The following TSPAN5 variants were observed in gnomAD, a reference collection of about 807,000 sequenced individuals.
TSPAN5 encodes the protein tetraspanin-5.
TSPAN5 carries 10 observed loss-of-function variants against 37.1 expected under a neutral mutation model. That is an observed-to-expected ratio of 0.27 (90% confidence interval 0.17 to 0.46). The LOEUF (loss-of-function observed/expected upper bound fraction) is 0.46, where lower values mean the gene tolerates loss of function less well. TSPAN5 is among the 20% of genes least tolerant of loss of function. TSPAN5 has a pLI of 1.00. For missense variants in TSPAN5, 195 were observed against 326.6 expected (o/e 0.60, Z 3.11); for synonymous variants, 110 against 118.9 (o/e 0.93, Z 0.48).
chr4:98,487,706 C>T (rs751045743), intron 2 of TSPAN5, among the ~76,000 whole-genome samples: 14 of 152,214 alleles, frequency 9.2e-5, no homozygotes, highest in Admixed American at 7.2e-4. Flanking sequence ...TTTCTTACCC[C>T]CTTCGAGTTG....
intron 2 of TSPAN5, among the ~76,000 whole-genome samples, chr4:98,502,579 C>A (rs1753378279): frequency 6.6e-6 from 1 of 152,176 alleles, no homozygotes; most frequent in Non-Finnish European, 1.5e-5. Flanking sequence ...TGATGTGCTT[C>A]AGGACCCAGC....
chr4:98,532,129 T>C (rs1754107567), intron 1 of TSPAN5, among the ~76,000 whole-genome samples: 1 of 152,220 alleles, frequency 6.6e-6, no homozygotes, highest in Non-Finnish European at 1.5e-5. Flanking sequence ...AGGAAGTCTT[T>C]GCCCATGCCT....
chr4:98,603,643 A>G (rs1159499605), intron 1 of TSPAN5, among the ~76,000 whole-genome samples: 1 of 152,224 alleles, frequency 6.6e-6, no homozygotes, highest in Non-Finnish European at 1.5e-5. Flanking sequence ...GTTGTGGCCT[A>G]TGCAACCATC....
intron 2 of TSPAN5, among the ~76,000 whole-genome samples, chr4:98,498,498 C>T (rs1753266780): frequency 6.6e-6 from 1 of 152,136 alleles, no homozygotes; most frequent in African/African-American, 2.4e-5. Flanking sequence ...CAAGACCTCC[C>T]AACCACACCC....
At chr4:98,480,579 T>C (rs1403131370) in intron 4 of TSPAN5, among the ~76,000 whole-genome samples, 1 of 152,172 alleles carries the variant, frequency 6.6e-6, no homozygotes, top group African/African-American at 2.4e-5. Flanking sequence ...AACAGCTACT[T>C]CTAAACATTA....
At chr4:98,527,483 A>G (rs1378550321) in intron 1 of TSPAN5, among the ~76,000 whole-genome samples, 1 of 152,236 alleles carries the variant, frequency 6.6e-6, no homozygotes, top group Non-Finnish European at 1.5e-5. Flanking sequence ...CTTATTTCTC[A>G]ATAGCTATAT....
intron 1 of TSPAN5, among the ~76,000 whole-genome samples, chr4:98,548,817 C>T (rs1188412578): frequency 6.6e-6 from 1 of 152,012 alleles, no homozygotes; most frequent in African/African-American, 2.4e-5. Context: ...TGATAAAGGC[C>T]TCCAGTTCCA....
intron 1 of TSPAN5, among the ~76,000 whole-genome samples, chr4:98,548,885 A>AGGGG (rs70955937): frequency 1.2e-5 from 1 of 83,508 alleles, no homozygotes; most frequent in African/African-American, 4.0e-5. Flanking sequence ...TAGTATTCCA[A>AGGGG]GGTGTGTGTG....
chr4:98,494,742 C>T (rs1375589453), intron 2 of TSPAN5, among the ~76,000 whole-genome samples: 1 of 152,080 alleles, frequency 6.6e-6, no homozygotes, highest in African/African-American at 2.4e-5. Context: ...CCCAACTGCA[C>T]TGGAGAAGAA....
intron 1 of TSPAN5, among the ~76,000 whole-genome samples, chr4:98,550,314 C>A (rs758089620): frequency 1.1e-4 from 16 of 152,214 alleles, no homozygotes; most frequent in African/African-American, 3.6e-4. Context: ...AGTCAGGTAA[C>A]GTGACGCCTC....
chr4:98,548,903 G>A (rs1754535560), intron 1 of TSPAN5, among the ~76,000 whole-genome samples: 1 of 152,010 alleles, frequency 6.6e-6, no homozygotes, highest in African/African-American at 2.4e-5. Context: ...GTGTGTGTGT[G>A]TGTGTGTGTG....
chr4:98,639,175 G>A (rs964791557), intron 1 of TSPAN5, among the ~76,000 whole-genome samples: 13 of 152,020 alleles, frequency 8.6e-5, no homozygotes, highest in Admixed American at 3.9e-4. Context: ...CTATCCTTAC[G>A]GGGTTCTTGG....
At chr4:98,488,147 T>C (rs1421300750) in intron 2 of TSPAN5, among the ~76,000 whole-genome samples, 1 of 152,204 alleles carries the variant, frequency 6.6e-6, no homozygotes. Flanking sequence ...AGTTTGGTGA[T>C]GGGCTGAAGG....
chr4:98,639,879 A>G (rs1343181843), intron 1 of TSPAN5, among the ~76,000 whole-genome samples: 1 of 152,230 alleles, frequency 6.6e-6, no homozygotes, highest in African/African-American at 2.4e-5. Flanking sequence ...TTAAGGGAAG[A>G]AAAACCATTT....
chr4:98,494,459 T>C (rs1413451332), intron 2 of TSPAN5, among the ~76,000 whole-genome samples: 1 of 143,402 alleles, frequency 7.0e-6, no homozygotes, highest in African/African-American at 2.6e-5. Flanking sequence ...AGATCGCACT[T>C]ACTACCTGTG....
chr4:98,487,402 CT>C (rs1241656368), intron 2 of TSPAN5, among the ~76,000 whole-genome samples: 2 of 152,140 alleles, frequency 1.3e-5, no homozygotes, highest in African/African-American at 2.4e-5. Context: ...CACACACCCC[CT>C]GACCCCCAGA....
chr4:98,542,280 G>A (rs930126965), intron 1 of TSPAN5, among the ~76,000 whole-genome samples: 4 of 152,200 alleles, frequency 2.6e-5, no homozygotes, highest in Non-Finnish European at 4.4e-5. Context: ...TTCCAGGTGA[G>A]CTATGTTTCC....
At chr4:98,624,175 G>A (rs1756539970) in intron 1 of TSPAN5, among the ~76,000 whole-genome samples, 1 of 151,864 alleles carries the variant, frequency 6.6e-6, no homozygotes, top group Non-Finnish European at 1.5e-5. Context: ...AACCCAAATA[G>A]AAGTTATTAC....
chr4:98,529,013 A>C (rs768505081), intron 1 of TSPAN5, among the ~76,000 whole-genome samples: 16 of 152,172 alleles, frequency 1.1e-4, no homozygotes, highest in Non-Finnish European at 2.2e-4. Flanking sequence ...ACAGATTGAC[A>C]GTGGTAGAGC....
Sources: gnomAD v4.1 joint callset for allele counts (sites outside exome capture counted in the v4.1 genomes callset) on GRCh38, gnomAD v4.1.1 for gene constraint, MANE v1.5 for transcripts, NCBI Gene and HGNC (gene_info 2026-07-23, HGNC 2026-07-21) for gene names.